Variants in PRKN observed in about 807,000 individuals in gnomAD.
PRKN encodes parkin RBR E3 ubiquitin protein ligase.
PRKN carries 56 observed loss-of-function variants against 59.5 expected under a neutral mutation model. The observed-to-expected ratio is 0.94, with a 90% CI of 0.76 to 1.18. The LOEUF (loss-of-function observed/expected upper bound fraction) is 1.18, where lower values mean the gene tolerates loss of function less well. Among genes scored for constraint, PRKN ranks in the 50% most tolerant of loss-of-function variants. PRKN has a pLI of 0.00. For synonymous variants in PRKN, 250 were observed against 222.1 expected, an observed-to-expected ratio of 1.13 and a Z score of -1.12; for missense variants, 657 against 596.4, an observed-to-expected ratio of 1.10 and a Z score of -1.06.
In PRKN at chr6:161,445,860, G is replaced by A. The variant is rs1486024300; in HGVS notation, c.1084-58983C>T. ...CTATCGACAGCCTTGCAGGGTGGTG[G>A]TTTCCTTTGCCCGGAGAGTTCAGAG... On this transcript the variant is annotated intron_variant, in intron 9 of 11. Coordinates refer to ENST00000366898, the MANE Select transcript of PRKN (RefSeq NM_004562.3). The surrounding 1 kb of genome is among the most constrained non-coding windows in gnomAD (Gnocchi z 7.7). Among the ~76,000 whole-genome samples the A allele has an allele frequency of 1.3e-5, 2 of 150,680 alleles. No individual in the cohort carries two copies. Among genetic ancestry groups the A allele is most frequent in the Non-Finnish European group, 1.5e-5 (1 of 67,838 alleles).
intron 7 of PRKN, among the ~76,000 whole-genome samples, chr6:161,615,295 A>G (rs972844927): frequency 5.9e-5 from 9 of 152,114 alleles, no homozygotes; most frequent in African/African-American, 2.2e-4. Flanking sequence ...CACTTTTACA[A>G]TAACCCCAAA....
At chr6:162,220,161 C>T (rs1295392857) in intron 3 of PRKN, among the ~76,000 whole-genome samples, 10 of 151,896 alleles carry the variant, frequency 6.6e-5, no homozygotes, top group African/African-American at 1.2e-4. Flanking sequence ...ATACCTATCA[C>T]CATACAGAAA....
rs1035211872 is a variant in PRKN at position 162,208,704 on chromosome 6, C to G, written c.413-7452G>C. Among the ~76,000 whole-genome samples the G allele has an allele frequency of 1.1e-4, 17 of 152,214 alleles. 1 individual carries two copies. Among genetic ancestry groups the G allele is most frequent in the African/African-American group, 4.1e-4 (17 of 41,544 alleles). ...ATGGATACGGGCCAGGAAATGGGCACAGTTAAGGTGGTGCCAGGAAAGTCA... is the reference window on the plus strand; with the variant it reads ...ATGGATACGGGCCAGGAAATGGGCAGAGTTAAGGTGGTGCCAGGAAAGTCA... On this transcript the variant is annotated intron_variant, in intron 3 of 11. Transcript: ENST00000366898.
At chr6:161,891,768 G>A (rs960491297) in intron 6 of PRKN, among the ~76,000 whole-genome samples, 4 of 152,162 alleles carry the variant, frequency 2.6e-5, no homozygotes, top group African/African-American at 9.7e-5. Flanking sequence ...GAGTGTCTGA[G>A]CCACCTATGG....
At chr6:161,387,481 C>T (rs1403478187) in intron 9 of PRKN, among the ~76,000 whole-genome samples, 4 of 152,212 alleles carry the variant, frequency 2.6e-5, no homozygotes, top group Non-Finnish European at 5.9e-5. Flanking sequence ...TATAAATTAT[C>T]CAGTCTCGGG....
At position 162,146,861 on chromosome 6, in the gene PRKN, G is replaced by C. The variant is rs1782052150; in HGVS notation, c.534+54270C>G. On this transcript the variant is annotated intron_variant, in intron 4 of 11. Transcript: ENST00000366898. ...TTCTCTTGACTCAGCCTCCCGAGTA[G>C]CTGAGATTACAGGCATGGGCCACCA... is the stretch of plus-strand genomic sequence containing the variant. Among the ~76,000 whole-genome samples, 4 of 152,016 alleles carry C rather than the reference G, an allele frequency of 2.6e-5. No individual in the cohort carries two copies. In the South Asian group the frequency reaches 6.2e-4, roughly 24 times the overall value.
chr6:162,598,998 C>A (rs1487891668), intron 1 of PRKN, among the ~76,000 whole-genome samples: 2 of 152,198 alleles, frequency 1.3e-5, no homozygotes, highest in South Asian at 4.1e-4. Context: ...CCTTCCCTTT[C>A]TACTCCTATA....
intron 5 of PRKN, among the ~76,000 whole-genome samples, chr6:161,996,920 A>G (rs533809486): frequency 2.6e-5 from 4 of 152,222 alleles, no homozygotes; most frequent in South Asian, 2.1e-4. Flanking sequence ...AAACAACCCA[A>G]CCACTTACAT....
intron 1 of PRKN, among the ~76,000 whole-genome samples, chr6:162,503,132 A>ATTTTTT (rs1314559813): frequency 1.2e-4 from 10 of 86,580 alleles, no homozygotes; most frequent in African/African-American, 3.9e-4. Context: ...AATAGTCTTC[A>ATTTTTT]TTTCTTTTTT....
rs1406711653 is a variant in PRKN, at chr6:161,874,226, TATATATA to T, written c.735-88325_735-88319del. Reference sequence around the variant, plus strand: ...ATTATATGTAAAATATAATATATATTATATATAATATATAATATATAATATATATTAT... The same window carrying T: ...ATTATATGTAAAATATAATATATATTATATATAATATATAATATATATTAT... On this transcript the variant is annotated intron_variant, in intron 6 of 11. Coordinates refer to ENST00000366898, the MANE Select transcript of PRKN (RefSeq NM_004562.3). Among the ~76,000 whole-genome samples the T allele has an allele frequency of 1.6e-4, 6 of 36,448 alleles. 1 individual carries two copies. The Admixed American group carries it at 2.3e-3, about 14-fold the overall frequency. The allele number at this position is 36,448 out of a possible 152,430, so 23.9% of individuals were successfully genotyped here.
chr6:162,415,711 G>T (rs1407348558), intron 2 of PRKN, among the ~76,000 whole-genome samples: 1 of 152,086 alleles, frequency 6.6e-6, no homozygotes, highest in Admixed American at 6.6e-5. Context: ...CAGCTACTTG[G>T]GAGGCTGAGG....
rs1696202056 is a variant in PRKN at position 161,352,783 on chromosome 6, T to G, written c.1286-2572A>C. Among the ~76,000 whole-genome samples the G allele has an allele frequency of 7.1e-6, 1 of 141,326 alleles. No homozygotes were observed. Among genetic ancestry groups the G allele is most frequent in the South Asian group, 2.2e-4 (1 of 4,624 alleles). 92.7% of individuals were successfully genotyped at this position (141,326 alleles called of 152,430 possible). On this transcript the variant is annotated intron_variant, in intron 11 of 11. Transcript: ENST00000366898. The surrounding 1 kb of genome is among the most constrained non-coding windows in gnomAD (Gnocchi z 5.8). ...TATATATATATATATTTTATTTTAT[T>G]TTATTTTATTTTTTTGAGATGGAGT...
intron 7 of PRKN, among the ~76,000 whole-genome samples, chr6:161,612,784 C>G (rs1186834450): frequency 1.3e-5 from 2 of 149,214 alleles, no homozygotes; most frequent in Non-Finnish European, 3.0e-5. Flanking sequence ...AATGGAATGG[C>G]AAAGACAGGA....
chr6:162,520,165 C>T (rs1016489629), intron 1 of PRKN, among the ~76,000 whole-genome samples: 10 of 152,080 alleles, frequency 6.6e-5, no homozygotes, highest in African/African-American at 2.4e-4. Flanking sequence ...TTAATGAAAG[C>T]CACTGATCAT....
At chr6:161,611,239 A>T (rs1381886225) in intron 7 of PRKN, among the ~76,000 whole-genome samples, 1 of 152,228 alleles carries the variant, frequency 6.6e-6, no homozygotes. Context: ...GCGTATATGC[A>T]GGGCGAGCTT....
chr6:162,388,131 T>C (rs1224083772), intron 2 of PRKN, among the ~76,000 whole-genome samples: 4 of 152,174 alleles, frequency 2.6e-5, no homozygotes, highest in Admixed American at 6.5e-5. Context: ...GAGTTAATTA[T>C]GTTCTTCGGG....
At chr6:162,059,997 A>C (rs1778030899) in intron 4 of PRKN, among the ~76,000 whole-genome samples, 1 of 152,230 alleles carries the variant, frequency 6.6e-6, no homozygotes. Context: ...CACATAAAGC[A>C]TGGTTGCTTG....
chr6:161,798,629 GGAGATTTCTA>G (rs1790950710), intron 6 of PRKN, among the ~76,000 whole-genome samples: 1 of 152,202 alleles, frequency 6.6e-6, no homozygotes, highest in South Asian at 2.1e-4. Flanking sequence ...GTGAGAAACT[GGAGATTTCTA>G]GAGATTTTAC....
chr6:161,665,483 C>G (rs1245585232), intron 7 of PRKN, among the ~76,000 whole-genome samples: 2 of 152,186 alleles, frequency 1.3e-5, no homozygotes, highest in Non-Finnish European at 2.9e-5. Flanking sequence ...TCTTCTACCC[C>G]TACAAATCAG....
Sources: allele counts gnomAD v4.1 joint callset (sites outside exome capture counted in the v4.1 genomes callset), GRCh38; gene constraint gnomAD v4.1.1; non-coding constraint Gnocchi (gnomAD v3.1); transcripts MANE v1.5; gene names NCBI Gene and HGNC (gene_info 2026-07-23, HGNC 2026-07-21).